The following USP34 variants were observed in gnomAD, a reference collection of about 807,000 sequenced individuals.
The protein encoded by USP34 is ubiquitin carboxyl-terminal hydrolase 34.
A neutral mutation model predicts 460.3 loss-of-function variants in USP34; 70 were observed. The ratio of observed to expected loss-of-function variants is 0.15; its 90% CI spans 0.13 to 0.19. USP34 has a LOEUF of 0.19. USP34 is among the 10% of genes least tolerant of loss of function. USP34 has a pLI of 1.00. For missense variants in USP34, 3,985 were observed against 4,236.2 expected (o/e 0.94, Z 1.65); for synonymous variants, 1,647 against 1,405.3 (o/e 1.17, Z -3.85).
Position 61,405,804 on chromosome 2 carries a change from A to C in USP34, c.456T>G (p.Asp152Glu). Residue 152 changes from aspartate to glutamate, a missense_variant, in exon 3 of 80, where the codon GAT becomes GAG. Coordinates refer to ENST00000398571, the MANE Select transcript of USP34 (RefSeq NM_014709.4). The part of the protein sequence containing the change: ...SSDPFSLWST[D>E]EKEKLLLCVA... ...CACATAGTAAGAGTTTTTCCTTCTC[A>C]TCTGTACTCCATAAACTAAAAGGAT... The C allele has an allele frequency of 1.2e-6, 2 of 1,612,936 alleles. No individual in the cohort carries two copies. Among genetic ancestry groups the C allele is most frequent in the Non-Finnish European group, 1.7e-6 (2 of 1,179,696 alleles).
intron 75 of USP34, 24 bp downstream of exon 75, chr2:61,203,116 T>G (rs1687023873): frequency 6.5e-7 from 1 of 1,533,102 alleles, no homozygotes; most frequent in Admixed American, 1.9e-5. Flanking sequence ...TCAGTGGAAT[T>G]TACTGCTCAT....
At chr2:61,251,249 C>G (rs1428456680) in intron 48 of USP34, among the ~76,000 whole-genome samples, 1 of 152,174 alleles carries the variant, frequency 6.6e-6, no homozygotes, top group African/African-American at 2.4e-5. Context: ...AACAATTTTA[C>G]TAGTCTTGAT....
At chr2:61,310,010 T>C (rs529707862) in intron 27 of USP34, among the ~76,000 whole-genome samples, 1 of 152,228 alleles carries the variant, frequency 6.6e-6, no homozygotes, top group African/African-American at 2.4e-5. Context: ...AATAAAAACA[T>C]ACATGGAGGT....
rs567212962 is a variant in USP34 at position 61,348,995 on chromosome 2, A to G, written c.1544-109T>C. ...ACCTAGTTACCAAAGCTTTATGCTA[A>G]GTAGCCAAAAATAAAATCTCTAAAT... On this transcript the variant is annotated intron_variant, in intron 13 of 79. Transcript: ENST00000398571. The G allele has an allele frequency of 8.7e-6, 11 of 1,261,842 alleles. No homozygotes were observed. The African/African-American group carries it at 1.7e-4, about 19-fold the overall frequency. The allele number at this position is 1,261,842 out of a possible 1,614,324, so 78.2% of individuals were successfully genotyped here.
chr2:61,342,329 C>G (rs1691630608), intron 16 of USP34, among the ~76,000 whole-genome samples: 1 of 117,044 alleles, frequency 8.5e-6, no homozygotes, highest in Non-Finnish European at 1.7e-5. Flanking sequence ...AAGACGGAGT[C>G]TCACTCTGTC....
chr2:61,407,713 T>C (rs547151533), intron 2 of USP34, among the ~76,000 whole-genome samples: 1 of 152,296 alleles, frequency 6.6e-6, no homozygotes, highest in Admixed American at 6.5e-5. Flanking sequence ...ACTTCTGCCT[T>C]GCTCTTTTTT....
chr2:61,274,920 T>C (rs1291998086), intron 41 of USP34, among the ~76,000 whole-genome samples: 1 of 152,202 alleles, frequency 6.6e-6, no homozygotes, highest in Non-Finnish European at 1.5e-5. Context: ...GTAATATCAC[T>C]AGAAATAGTT....
intron 1 of USP34, among the ~76,000 whole-genome samples, chr2:61,452,098 C>T (rs1262159789): frequency 2.7e-5 from 4 of 150,562 alleles, no homozygotes; most frequent in Admixed American, 2.7e-4. Flanking sequence ...GGTGTGAACC[C>T]AGGAGGCGGA....
At chr2:61,308,724 C>T (rs961669538) in intron 27 of USP34, among the ~76,000 whole-genome samples, 3 of 152,100 alleles carry the variant, frequency 2.0e-5, no homozygotes, top group African/African-American at 7.2e-5. Flanking sequence ...AAAGTGAAGA[C>T]TGATTAATGT....
At chr2:61,288,966 A>C in intron 33 of USP34, 89 bp from the exon 34 acceptor site, 3 of 1,352,864 alleles carry the variant, frequency 2.2e-6, no homozygotes, top group Non-Finnish European at 3.1e-6. Context: ...CCAGAAAATA[A>C]AAATAATTAT....
chr2:61,413,691 A>C (rs912887127), intron 2 of USP34, among the ~76,000 whole-genome samples: 1 of 137,470 alleles, frequency 7.3e-6, no homozygotes, highest in African/African-American at 2.8e-5. Flanking sequence ...ATAAAAAAAC[A>C]AAAGAGGCCG....
At chr2:61,305,130 C>T (rs1690362850) in intron 27 of USP34, among the ~76,000 whole-genome samples, 1 of 152,114 alleles carries the variant, frequency 6.6e-6, no homozygotes, top group South Asian at 2.1e-4. Context: ...TCGAGACCAG[C>T]CTGGCCAATA....
At position 61,297,997 on chromosome 2, in the gene USP34, C is replaced by T. The variant is rs536230116; in HGVS notation, c.4129-1072G>A. On this transcript the variant is annotated intron_variant, in intron 29 of 79. Coordinates refer to ENST00000398571, the MANE Select transcript of USP34 (RefSeq NM_014709.4). ...TCTTCAATAAAACAACTCATCATTC[C>T]GTTGTAAATAACCATTAAAAAGAGA... 6.6e-5 allele frequency among the ~76,000 whole-genome samples: 10 copies of T among 152,030 alleles called. No individual in the cohort carries two copies. In the South Asian group the frequency reaches 1.5e-3, roughly 22 times the overall value.
At chr2:61,296,085 C>A (rs190344765) in intron 30 of USP34, among the ~76,000 whole-genome samples, 3 of 152,052 alleles carry the variant, frequency 2.0e-5, no homozygotes, top group African/African-American at 7.2e-5. Flanking sequence ...ACGGTGAAAC[C>A]CTGTCTCTAC....
At chr2:61,257,413 A>C in intron 44 of USP34, 63 bp from the exon 45 acceptor site, 1 of 1,397,396 alleles carries the variant, frequency 7.2e-7, no homozygotes, top group Non-Finnish European at 9.6e-7. Flanking sequence ...TAGGTTCTTC[A>C]ATGAACATAT....
chr2:61,226,348 C>T (rs148681495), intron 62 of USP34, among the ~76,000 whole-genome samples: 213 of 152,268 alleles, frequency 1.4e-3, no homozygotes, highest in Non-Finnish European at 2.5e-3. Flanking sequence ...AAAAGCTCCC[C>T]GAGTGCCACT....
Position 61,214,377 on chromosome 2 carries a change from C to G in USP34, c.8365G>C (p.Glu2789Gln). Residue 2789 changes from glutamate (E) to glutamine (Q), a missense_variant, in exon 68 of 80, where the codon GAG (glutamate) becomes CAG (glutamine). This residue lies in a region of USP34 where 66 missense variants were observed against 121.2 expected (regional missense o/e 0.54). Transcript: ENST00000398571. ...LWNLFQPKLSEPAIATNHNKQ... is the reference protein window; with the variant it reads ...LWNLFQPKLSQPAIATNHNKQ... Reference sequence around the variant, plus strand: ...TTGTGATTTGTAGCTATTGCTGGCTCAGAAAGTTTAGGCTGGAAAAGGTTC... The same window carrying G: ...TTGTGATTTGTAGCTATTGCTGGCTGAGAAAGTTTAGGCTGGAAAAGGTTC... The G allele has an allele frequency of 6.2e-7, 1 of 1,614,136 alleles. No homozygotes were observed. The highest frequency in any genetic ancestry group is 8.5e-7 in the Non-Finnish European group (1 of 1,180,002).
chr2:61,410,563 G>A (rs191974405), intron 2 of USP34, among the ~76,000 whole-genome samples: 19 of 152,200 alleles, frequency 1.2e-4, no homozygotes, highest in East Asian at 5.8e-4. Flanking sequence ...AATGCAAGGC[G>A]GAAAAGGTGT....
At chr2:61,327,067 T>A (rs1265901549) in intron 20 of USP34, among the ~76,000 whole-genome samples, 1 of 152,148 alleles carries the variant, frequency 6.6e-6, no homozygotes, top group Non-Finnish European at 1.5e-5. Flanking sequence ...ATTTCAGGCA[T>A]GAGCCACTGT....
Sources: gnomAD v4.1 joint callset for allele counts (sites outside exome capture counted in the v4.1 genomes callset) on GRCh38, gnomAD v4.1.1 for gene constraint, gnomAD v4.1.1 regional missense constraint, MANE v1.5 for transcripts, NCBI Gene and HGNC (gene_info 2026-07-23, HGNC 2026-07-21) for gene names.